The following NRXN3 variants were observed in gnomAD, a reference collection of about 807,000 sequenced individuals.
NRXN3 encodes neurexin III.
NRXN3 carries 32 observed loss-of-function variants against 137.6 expected under a neutral mutation model. That is an observed-to-expected ratio of 0.23 (90% CI 0.18 to 0.31). NRXN3 has a LOEUF of 0.31. Ranked by LOEUF, NRXN3 falls within the 10% of genes least tolerant of loss-of-function variation. The probability of loss-of-function intolerance (pLI) is 1.00; values close to 1 mark genes in which losing one functional copy is unlikely to be tolerated. For synonymous variants in NRXN3, 798 were observed against 784.5 expected (o/e 1.02, Z -0.29); for missense variants, 1,574 against 2,062.5 (o/e 0.76, Z 4.59).
At position 78,419,482 on chromosome 14, in the gene NRXN3, G is replaced by A. The variant is rs535994948; in HGVS notation, c.757+121622G>A. On this transcript the variant is annotated intron_variant, in intron 4 of 20. Coordinates refer to ENST00000335750, the MANE Select transcript of NRXN3 (RefSeq NM_001330195.2). ...GGCCTCCCTGAGTTCTGGGATTACA[G>A]GCATGAGCCACCATGCCTGGCCATA... 3.3e-5 allele frequency among the ~76,000 whole-genome samples: 5 copies of A among 152,172 alleles called. No homozygotes were observed. The East Asian group carries it at 9.7e-4, about 30-fold the overall frequency.
intron 4 of NRXN3, among the ~76,000 whole-genome samples, chr14:78,458,494 C>T (rs777289422): frequency 6.6e-6 from 1 of 152,194 alleles, no homozygotes; most frequent in East Asian, 1.9e-4. Context: ...TGAGTCCCCT[C>T]TAGCTGTGTG....
At chr14:79,385,252 T>G (rs2094579858) in intron 15 of NRXN3, among the ~76,000 whole-genome samples, 1 of 133,062 alleles carries the variant, frequency 7.5e-6, no homozygotes, top group Non-Finnish European at 1.6e-5. Flanking sequence ...ATATTCCCCT[T>G]CCTGTGTCCA....
intron 19 of NRXN3, among the ~76,000 whole-genome samples, chr14:79,720,899 A>G (rs1411852485): frequency 6.6e-6 from 1 of 152,146 alleles, no homozygotes; most frequent in Non-Finnish European, 1.5e-5. Flanking sequence ...ATTAAAATAA[A>G]TAAATGATTA....
chr14:79,531,479 T>G (rs2153720209), intron 16 of NRXN3, among the ~76,000 whole-genome samples: 1 of 152,308 alleles, frequency 6.6e-6, no homozygotes, highest in East Asian at 1.9e-4. Flanking sequence ...TGAATAGGGA[T>G]AGTGTTATGA....
chr14:78,577,429 G>T (rs544182221), intron 4 of NRXN3, among the ~76,000 whole-genome samples: 4 of 152,310 alleles, frequency 2.6e-5, no homozygotes, highest in African/African-American at 9.6e-5. Flanking sequence ...CATTGCCATT[G>T]TTAATATGCT....
intron 8 of NRXN3, among the ~76,000 whole-genome samples, chr14:78,738,209 G>A (rs1382062577): frequency 6.6e-6 from 1 of 152,094 alleles, no homozygotes; most frequent in Non-Finnish European, 1.5e-5. Context: ...ACTGAGCATC[G>A]ACTATGTGCC....
At chr14:78,539,856 T>C (rs1009211558) in intron 4 of NRXN3, among the ~76,000 whole-genome samples, 1 of 152,178 alleles carries the variant, frequency 6.6e-6, no homozygotes, top group Non-Finnish European at 1.5e-5. Context: ...GCCTTCATTT[T>C]GTTATTTACC....
intron 20 of NRXN3, among the ~76,000 whole-genome samples, chr14:79,827,517 G>A (rs2099308679): frequency 1.3e-5 from 2 of 152,034 alleles, no homozygotes; most frequent in South Asian, 4.1e-4. Flanking sequence ...CCGAGACTGG[G>A]TAATTTATAA....
At chr14:78,224,683 C>G (rs1300672558) in intron 1 of NRXN3, among the ~76,000 whole-genome samples, 1 of 144,208 alleles carries the variant, frequency 6.9e-6, no homozygotes, top group Non-Finnish European at 1.5e-5. Flanking sequence ...CATTATTGGA[C>G]ATTTGGGTTG....
At chr14:78,453,792 C>T (rs1352792511) in intron 4 of NRXN3, among the ~76,000 whole-genome samples, 1 of 152,068 alleles carries the variant, frequency 6.6e-6, no homozygotes, top group Non-Finnish European at 1.5e-5. Flanking sequence ...GGGAGAATGC[C>T]ATGTGAACAT....
intron 10 of NRXN3, among the ~76,000 whole-genome samples, chr14:78,951,535 C>A (rs1297510248): frequency 6.6e-6 from 1 of 152,126 alleles, no homozygotes; most frequent in African/African-American, 2.4e-5. Flanking sequence ...CTCCCTACCC[C>A]CAACTGCTTT....
intron 19 of NRXN3, among the ~76,000 whole-genome samples, chr14:79,712,355 C>T (rs1236269154): frequency 6.6e-6 from 1 of 152,166 alleles, no homozygotes; most frequent in African/African-American, 2.4e-5. Flanking sequence ...CTTCCAGTTT[C>T]CCAGTAAAAT....
intron 15 of NRXN3, among the ~76,000 whole-genome samples, chr14:79,466,881 T>C (rs2096433436): frequency 6.6e-6 from 1 of 152,174 alleles, no homozygotes; most frequent in African/African-American, 2.4e-5. Context: ...AAATTAAGCC[T>C]ACTGTTGAGG....
intron 4 of NRXN3, among the ~76,000 whole-genome samples, chr14:78,560,582 G>T (rs1445397072): frequency 6.6e-6 from 1 of 152,154 alleles, no homozygotes; most frequent in African/African-American, 2.4e-5. Flanking sequence ...CAGGCCTCTG[G>T]GGCAGTACAT....
At chr14:79,308,790 C>T (rs1025294789) in intron 15 of NRXN3, among the ~76,000 whole-genome samples, 1 of 147,748 alleles carries the variant, frequency 6.8e-6, no homozygotes, top group Non-Finnish European at 1.5e-5. Context: ...TAAGAATATG[C>T]ACTGAATGTG....
intron 10 of NRXN3, among the ~76,000 whole-genome samples, chr14:78,848,790 G>T (rs746291900): frequency 1.3e-5 from 2 of 152,124 alleles, no homozygotes; most frequent in Non-Finnish European, 2.9e-5. Flanking sequence ...TAGGCAAAAG[G>T]AGATTACAGA....
At chr14:79,802,425 C>T (rs1287280017) in intron 19 of NRXN3, among the ~76,000 whole-genome samples, 1 of 152,090 alleles carries the variant, frequency 6.6e-6, no homozygotes, top group African/African-American at 2.4e-5. Context: ...CCCCTAATTG[C>T]CCTTTTCCCA....
chr14:78,675,187 G>T (rs997879079), intron 6 of NRXN3, among the ~76,000 whole-genome samples: 4 of 152,116 alleles, frequency 2.6e-5, no homozygotes, highest in African/African-American at 9.7e-5. Context: ...GAATTGGGAG[G>T]CTTTTTCTTT....
chr14:79,534,501 TTGAA>T (rs769644831), intron 16 of NRXN3, among the ~76,000 whole-genome samples: 70 of 152,290 alleles, frequency 4.6e-4, no homozygotes, highest in Admixed American at 9.8e-4. Context: ...TAAATTCTAT[TTGAA>T]TGACTTAACA....
Sources: allele counts gnomAD v4.1 joint callset (sites outside exome capture counted in the v4.1 genomes callset), GRCh38; gene constraint gnomAD v4.1.1; transcripts MANE v1.5; gene names NCBI Gene and HGNC (gene_info 2026-07-23, HGNC 2026-07-21).